ZNF570: variants seen among roughly 807,000 people sequenced by gnomAD.
The protein encoded by ZNF570 is zinc finger protein 570.
Under a neutral mutation model 14.2 loss-of-function variants are expected in ZNF570, and 8 were observed. The observed-to-expected ratio is 0.56, with a 90% CI of 0.33 to 1.02. ZNF570 has a LOEUF of 1.02. ZNF570 is among the 50% of genes least tolerant of loss of function. The pLI is 0.03. For synonymous variants in ZNF570, 202 were observed against 207.6 expected, an observed-to-expected ratio of 0.97 and a Z score of 0.23; for missense variants, 559 against 624.9, an observed-to-expected ratio of 0.89 and a Z score of 1.12.
chr19:37,469,903 CTG>C (rs890874741), intron 1 of ZNF570, among the ~76,000 whole-genome samples: 4 of 152,176 alleles, frequency 2.6e-5, no homozygotes, highest in African/African-American at 9.7e-5. Flanking sequence ...GAGTGAGAGA[CTG>C]TGTGCCACGG....
chr19:37,469,257 C>A, upstream of ZNF570: 1 of 1,393,574 alleles, frequency 7.2e-7, no homozygotes, highest in Non-Finnish European at 9.3e-7. Flanking sequence ...CACTGCGACG[C>A]CGCGACCTTT....
At chr19:37,483,837 TACTC>T in intron 4 of ZNF570, 38 bp from the exon 5 acceptor site, 1 of 1,525,872 alleles carries the variant, frequency 6.6e-7, no homozygotes, top group Non-Finnish European at 8.8e-7. Flanking sequence ...TACTTTCTGA[TACTC>T]AATAGAGGAG....
intron 3 of ZNF570, 92 bp downstream of exon 3, chr19:37,476,099 T>A: frequency 6.6e-7 from 1 of 1,506,980 alleles, no homozygotes; most frequent in Non-Finnish European, 8.9e-7. Flanking sequence ...CTGCAAAATT[T>A]GGCTGAATGT....
At chr19:37,471,168 C>T (rs183176771) in intron 2 of ZNF570, among the ~76,000 whole-genome samples, 4 of 151,322 alleles carry the variant, frequency 2.6e-5, no homozygotes, top group Non-Finnish European at 5.9e-5. Context: ...CGCCCACCAC[C>T]ACGCCTGGCT....
intron 4 of ZNF570, among the ~76,000 whole-genome samples, chr19:37,477,288 CGTGTGTGTGT>C (rs71177457): frequency 1.3e-3 from 146 of 115,462 alleles, no homozygotes; most frequent in African/African-American, 4.3e-3. Flanking sequence ...GGGAGGTTGT[CGTGTGTGTGT>C]GTGTGTGTGT....
upstream of ZNF570, chr19:37,468,959 T>C (rs924526513): frequency 1.3e-6 from 1 of 778,596 alleles, no homozygotes; most frequent in Non-Finnish European, 1.6e-6. Context: ...GACGCGCCAC[T>C]AGCGCGTTCC....
chr19:37,480,561 G>A (rs1389833156), intron 4 of ZNF570, among the ~76,000 whole-genome samples: 3 of 151,984 alleles, frequency 2.0e-5, no homozygotes, highest in Non-Finnish European at 4.4e-5. Context: ...GTTATTCCTT[G>A]CTTTTCTTAA....
chr19:37,482,295 G>T (rs780354753), intron 4 of ZNF570, among the ~76,000 whole-genome samples: 1 of 152,192 alleles, frequency 6.6e-6, no homozygotes, highest in African/African-American at 2.4e-5. Flanking sequence ...TACGAAAAGA[G>T]GTTTAACTGG....
At chr19:37,470,450 AT>A in intron 2 of ZNF570, 63 bp downstream of exon 2, 2 of 1,523,534 alleles carry the variant, frequency 1.3e-6, no homozygotes, top group South Asian at 2.3e-5. Flanking sequence ...GCAGGTACTA[AT>A]TTTCCTTCTG....
chr19:37,484,412 C>T lies in ZNF570; in HGVS notation c.790C>T (p.His264Tyr), dbSNP rs1175646799. 5.0e-6 allele frequency: 8 copies of T among 1,613,992 alleles called. No individual in the cohort carries two copies. Among genetic ancestry groups the T allele is most frequent in the Non-Finnish European group, 5.9e-6 (7 of 1,180,018 alleles). The change falls in exon 5 of 5, where the codon CAT becomes TAT. Residue 264 changes from histidine to tyrosine, a missense_variant. His to Tyr is a moderately conservative substitution (Grantham distance 83, BLOSUM62 2). Transcript: ENST00000330173. Reference sequence around the variant, plus strand: ...CAGCCAGAGATCAAATCTTGTTCAACATCAGAGGATTCATACTGGAGAAAA... The same window carrying T: ...CAGCCAGAGATCAAATCTTGTTCAATATCAGAGGATTCATACTGGAGAAAA... ...AFSQRSNLVQHQRIHTGEKPY... is the reference protein window; with the variant it reads ...AFSQRSNLVQYQRIHTGEKPY...
rs950949754 is a variant in ZNF570, at chr19:37,481,797, T to C, written c.257-2082T>C. Among the ~76,000 whole-genome samples, 3 of 152,230 alleles carry C rather than the reference T, an allele frequency of 2.0e-5. No individual in the cohort carries two copies. In the South Asian group the frequency reaches 6.2e-4, roughly 32 times the overall value. ...TAAGACCAGACTCACCAGGGATAAA[T>C]TGATGCTCCCAGCTTCAGTTCCACC... is the stretch of plus-strand genomic sequence containing the variant. On this transcript the variant is annotated intron_variant, in intron 4 of 4. Transcript: ENST00000330173.
chr19:37,484,860 C>A lies in ZNF570; in HGVS notation c.1238C>A (p.Pro413His), dbSNP rs1403823948. Residue 413 changes from proline (P) to histidine (H), a missense_variant, in exon 5 of 5, where the codon CCT becomes CAT. Transcript: ENST00000330173. Reference protein sequence around the residue: ...QHQRIHTGEKPYKCQECRKAF... With the variant: ...QHQRIHTGEKHYKCQECRKAF... ...CAGAGAATTCATACTGGAGAAAAAC[C>A]TTATAAGTGTCAGGAATGTAGGAAA... The A allele has an allele frequency of 6.8e-6, 11 of 1,613,394 alleles. No individual in the cohort carries two copies. The highest frequency in any genetic ancestry group is 9.3e-6 in the Non-Finnish European group (11 of 1,179,902).
chr19:37,482,525 A>G (rs999559790), intron 4 of ZNF570, among the ~76,000 whole-genome samples: 2 of 152,152 alleles, frequency 1.3e-5, no homozygotes, highest in Non-Finnish European at 2.9e-5. Context: ...GTACTAAACC[A>G]TTCGTGAGGA....
chr19:37,470,293 C>T lies in ZNF570; in HGVS notation c.-51-11C>T. On this transcript the variant is annotated splice_polypyrimidine_tract_variant and intron_variant, in intron 1 of 4. Transcript: ENST00000330173. ...AAAGTCTAGTTTCTCATGTTCTTTT[C>T]CCCATCTCAGTCATCTGAGGCCACT... The T allele has an allele frequency of 6.2e-7, 1 of 1,613,136 alleles. No individual in the cohort carries two copies. Among genetic ancestry groups the T allele is most frequent in the South Asian group, 1.1e-5 (1 of 91,018 alleles).
chr19:37,475,790 T>C, intron 2 of ZNF570, 91 bp from the exon 3 acceptor site: 2 of 1,237,354 alleles, frequency 1.6e-6, no homozygotes, highest in South Asian at 1.6e-5. Flanking sequence ...TATTTGAGGA[T>C]GTAATATCAG....
intron 4 of ZNF570, among the ~76,000 whole-genome samples, chr19:37,481,127 A>C (rs1167872045): frequency 6.6e-6 from 1 of 151,732 alleles, no homozygotes; most frequent in Admixed American, 6.6e-5. Context: ...TGCATAGAAG[A>C]AGCTTTCTCT....
Position 37,485,043 on chromosome 19 carries a change from T to C in ZNF570, c.1421T>C (p.Val474Ala). The C allele has an allele frequency of 6.2e-7, 1 of 1,613,794 alleles. No homozygotes were observed. Among genetic ancestry groups the C allele is most frequent in the Non-Finnish European group, 8.5e-7 (1 of 1,179,966 alleles). The stretch of plus-strand genomic sequence containing the variant: ...GGAGAGAAACCTTATGAATGTACTG[T>C]TTGTGGAAAGGCTTTTAGTTACTGT... The part of the protein sequence containing the change: ...HTGEKPYECT[V>A]CGKAFSYCGS... Residue 474 changes from valine to alanine, a missense_variant, in exon 5 of 5, where the codon GTT becomes GCT. Transcript: ENST00000330173.
chr19:37,469,296 C>G, upstream of ZNF570: 2 of 1,415,896 alleles, frequency 1.4e-6, no homozygotes, highest in Non-Finnish European at 1.8e-6. Flanking sequence ...TCCCAGCGGA[C>G]CCCGCGGGAG....
chr19:37,473,656 A>G (rs1171252684), intron 2 of ZNF570, among the ~76,000 whole-genome samples: 2 of 152,146 alleles, frequency 1.3e-5, no homozygotes, highest in Admixed American at 6.5e-5. Context: ...GGTTATGACC[A>G]TGGGAATGAA....
Sources: allele counts gnomAD v4.1 joint callset (sites outside exome capture counted in the v4.1 genomes callset), GRCh38; gene constraint gnomAD v4.1.1; transcripts MANE v1.5; gene names NCBI Gene and HGNC (gene_info 2026-07-23, HGNC 2026-07-21).